Variants in DAB1 observed in about 807,000 individuals in gnomAD.
DAB1 encodes DAB adaptor protein 1, also known as disabled homolog 1.
In DAB1, 15 loss-of-function variants were observed where a neutral mutation model predicts 64.6. The observed-to-expected ratio is 0.23, with a 90% CI of 0.16 to 0.36. The LOEUF is 0.36. Among genes scored for constraint, DAB1 ranks in the 10% least tolerant of loss-of-function variants. The pLI, the probability that DAB1 is intolerant of heterozygous loss-of-function variation, is 1.00. For synonymous variants in DAB1, 235 were observed against 251.9 expected (o/e 0.93, Z 0.64); for missense variants, 596 against 706.7 (o/e 0.84, Z 1.78).
At chr1:57,356,519 A>C (rs1444256671) in intron 1 of DAB1, among the ~76,000 whole-genome samples, 1 of 152,096 alleles carries the variant, frequency 6.6e-6, no homozygotes, top group Non-Finnish European at 1.5e-5. Context: ...TTGGTCATCC[A>C]GCACATATCA....
At chr1:58,437,424 A>G (rs1436015603) in intron 3 of DAB1, among the ~76,000 whole-genome samples, 1 of 152,176 alleles carries the variant, frequency 6.6e-6, no homozygotes, top group Non-Finnish European at 1.5e-5. Context: ...AACACGGAAG[A>G]GCCTCACCAT....
intron 2 of DAB1, among the ~76,000 whole-genome samples, chr1:57,257,000 G>A (rs1669816153): frequency 6.6e-6 from 1 of 152,212 alleles, no homozygotes. Context: ...CATTTAAGTT[G>A]TTTTTAGAAA....
chr1:57,817,281 G>T lies in DAB1; in HGVS notation n.551+66718C>A, dbSNP rs75651823. Among the ~76,000 whole-genome samples the T allele has an allele frequency of 0.01, 1,577 of 152,356 alleles. 57 individuals carry two copies. The East Asian group carries it at 0.13, about 13-fold the overall frequency. On this transcript the variant is annotated intron_variant and non_coding_transcript_variant, in intron 6 of 20. Transcript: ENST00000485760. Reference sequence around the variant, plus strand: ...CAAAGAGAGAAGGCAAAGATCCAAAGCATTGGTAATGTGGAGGTTCCTTCC... The same window carrying T: ...CAAAGAGAGAAGGCAAAGATCCAAATCATTGGTAATGTGGAGGTTCCTTCC...
chr1:58,097,015 G>A (rs1651024232), intron 5 of DAB1, among the ~76,000 whole-genome samples: 1 of 152,256 alleles, frequency 6.6e-6, no homozygotes, highest in South Asian at 2.1e-4. Flanking sequence ...ACTGAAGTGG[G>A]CAGGCCTTTT....
intron 1 of DAB1, among the ~76,000 whole-genome samples, chr1:57,327,747 G>T (rs1676293817): frequency 6.6e-6 from 1 of 152,154 alleles, no homozygotes; most frequent in African/African-American, 2.4e-5. Flanking sequence ...TGTCATATGG[G>T]CTGGGTAGCT....
At chr1:58,069,589 G>A (rs528915559) in intron 5 of DAB1, among the ~76,000 whole-genome samples, 48 of 152,250 alleles carry the variant, frequency 3.2e-4, no homozygotes, top group African/African-American at 7.9e-4. Flanking sequence ...CCCAGACAGC[G>A]AGTAGACAGA....
chr1:57,973,333 C>G (rs879668961), intron 5 of DAB1, among the ~76,000 whole-genome samples: 6 of 152,154 alleles, frequency 3.9e-5, no homozygotes, highest in Non-Finnish European at 5.9e-5. Context: ...CCTGCCAACA[C>G]CTTGATTTAG....
intron 6 of DAB1, among the ~76,000 whole-genome samples, chr1:57,748,574 G>A (rs969197789): frequency 6.6e-6 from 1 of 152,120 alleles, no homozygotes; most frequent in Non-Finnish European, 1.5e-5. Context: ...CAGTATTGCT[G>A]GAAGGTAGAG....
At chr1:58,510,653 G>A (rs571211814) in intron 2 of DAB1, among the ~76,000 whole-genome samples, 1 of 151,688 alleles carries the variant, frequency 6.6e-6, no homozygotes, top group Non-Finnish European at 1.5e-5. Flanking sequence ...GAAATAAAAG[G>A]CATTTAAATC....
At chr1:57,500,407 CA>C (rs1644277176) in intron 7 of DAB1, among the ~76,000 whole-genome samples, 1 of 152,156 alleles carries the variant, frequency 6.6e-6, no homozygotes, top group African/African-American at 2.4e-5. Context: ...AAATCAGTAG[CA>C]GAGATTTCAA....
chr1:58,373,978 T>C (rs1159736024), intron 3 of DAB1, among the ~76,000 whole-genome samples: 3 of 141,804 alleles, frequency 2.1e-5, no homozygotes, highest in Non-Finnish European at 4.6e-5. Flanking sequence ...AAATGTCTTC[T>C]TTTGAGAAGT....
intron 4 of DAB1, among the ~76,000 whole-genome samples, chr1:57,096,975 AT>A (rs1356896862): frequency 1.3e-5 from 2 of 151,998 alleles, no homozygotes; most frequent in Non-Finnish European, 2.9e-5. Context: ...GTAATTATGG[AT>A]TTTTCTTGTC....
At chr1:57,221,771 A>AT (rs981224086) in intron 2 of DAB1, among the ~76,000 whole-genome samples, 1 of 151,982 alleles carries the variant, frequency 6.6e-6, no homozygotes, top group Non-Finnish European at 1.5e-5. Flanking sequence ...AAAAATATCC[A>AT]TTTTTTCTGT....
chr1:58,341,823 A>G (rs1483469223), intron 4 of DAB1, among the ~76,000 whole-genome samples: 1 of 152,204 alleles, frequency 6.6e-6, no homozygotes, highest in Admixed American at 6.5e-5. Flanking sequence ...ATGCGGGCAG[A>G]TAGTTAATGA....
intron 7 of DAB1, among the ~76,000 whole-genome samples, chr1:57,515,463 G>GT (rs1188675914): frequency 6.6e-6 from 1 of 152,180 alleles, no homozygotes; most frequent in African/African-American, 2.4e-5. Flanking sequence ...GTATTTATTT[G>GT]TATCAGCTGA....
intron 5 of DAB1, among the ~76,000 whole-genome samples, chr1:57,984,179 TAAAA>T (rs769375614): frequency 2.9e-5 from 1 of 34,264 alleles, no homozygotes; most frequent in African/African-American, 8.6e-5. Flanking sequence ...AGGACTAGCT[TAAAA>T]AAAAGAAAGA....
intron 1 of DAB1, among the ~76,000 whole-genome samples, chr1:57,414,160 GA>G (rs1010919513): frequency 6.6e-6 from 1 of 152,094 alleles, no homozygotes; most frequent in African/African-American, 2.4e-5. Flanking sequence ...CTCCAATTTT[GA>G]AAAAAGTTCT....
chr1:57,992,041 G>C (rs961654561), intron 5 of DAB1, among the ~76,000 whole-genome samples: 15 of 152,006 alleles, frequency 9.9e-5, no homozygotes, highest in Middle Eastern at 3.2e-3. Flanking sequence ...CGCTGTACTT[G>C]ATGGCTGTCT....
chr1:58,046,082 G>A (rs1301870825), intron 5 of DAB1, among the ~76,000 whole-genome samples: 5 of 152,050 alleles, frequency 3.3e-5, no homozygotes, highest in African/African-American at 1.2e-4. Flanking sequence ...AATAAATGCA[G>A]GTACCTTCCT....
Sources: allele counts gnomAD v4.1 joint callset (sites outside exome capture counted in the v4.1 genomes callset), GRCh38; gene constraint gnomAD v4.1.1; transcripts MANE v1.5; gene names NCBI Gene and HGNC (gene_info 2026-07-23, HGNC 2026-07-21).